The following HPS3 variants were observed in gnomAD, a reference collection of about 807,000 sequenced individuals.
HPS3 encodes the protein BLOC-2 complex member HPS3.
Under a neutral mutation model 110.9 loss-of-function variants are expected in HPS3, and 79 were observed. The ratio of observed to expected loss-of-function variants is 0.71; its 90% confidence interval spans 0.59 to 0.86. The LOEUF (loss-of-function observed/expected upper bound fraction) is 0.86. HPS3 is among the 40% of genes least tolerant of loss of function. HPS3 has a pLI of 0.00. For synonymous variants in HPS3, 428 were observed against 451.0 expected (o/e 0.95, Z 0.65); for missense variants, 1,197 against 1,206.2 (o/e 0.99, Z 0.11).
Position 149,153,517 on chromosome 3 carries a change from T to C in HPS3, c.1269T>C (p.Asp423=), listed in dbSNP as rs1723259729. 1.2e-6 allele frequency: 2 copies of C among 1,613,970 alleles called. No individual in the cohort carries two copies. The highest frequency in any genetic ancestry group is 2.7e-5 in the African/African-American group (2 of 74,932). Residue 423 remains aspartate (D), a synonymous_variant, in exon 7 of 17, where the codon GAT becomes GAC. Transcript: ENST00000296051. ...TLKACPPVSM[D]VCALRIQLFI... is the part of the protein sequence containing the mutation. ...AGGCTTGCCCACCTGTCAGTATGGA[T>C]GTCTGTGCTTTAAGAATACAGCTTT...
chr3:149,158,519 G>A, intron 9 of HPS3, 147 bp from the exon 10 acceptor site: 1 of 765,526 alleles, frequency 1.3e-6, no homozygotes, highest in Non-Finnish European at 2.3e-6. Flanking sequence ...TAGGCATGGT[G>A]GCTTACACCT....
chr3:149,158,466 T>C (rs569448492), intron 9 of HPS3, among the ~76,000 whole-genome samples, 200 bp from the exon 10 acceptor site: 6 of 152,302 alleles, frequency 3.9e-5, no homozygotes, highest in Non-Finnish European at 7.4e-5. Context: ...TATTCTGTTA[T>C]AGAATGTTTT....
rs1362870541 is a variant in HPS3, at chr3:149,163,875, C to A, written c.2515C>A (p.Pro839Thr). 4 of 1,581,938 alleles carry A rather than the reference C, an allele frequency of 2.5e-6. No homozygotes were observed. In the African/African-American group the frequency reaches 4.0e-5, roughly 16 times the overall value. ...CTGTAGTCATTATGGCTTAATTTAT[C>A]CATGGGTTCACGTCGTAATATCATC... is the stretch of plus-strand genomic sequence containing the variant. ...NACSHYGLIYPWVHVVISSDS... is the reference protein window; with the variant it reads ...NACSHYGLIYTWVHVVISSDS... Residue 839 changes from proline (P) to threonine (T), a missense_variant, in exon 14 of 17, where the codon CCA becomes ACA. Transcript: ENST00000296051.
At chr3:149,164,174 A>G (rs1021438069) in intron 14 of HPS3, among the ~76,000 whole-genome samples, 1 of 152,126 alleles carries the variant, frequency 6.6e-6, no homozygotes, top group Non-Finnish European at 1.5e-5. Flanking sequence ...TTGTAGGTGG[A>G]TGAACGAACT....
intron 1 of HPS3, among the ~76,000 whole-genome samples, chr3:149,135,279 T>G (rs1015115283): frequency 6.6e-6 from 1 of 151,910 alleles, no homozygotes; most frequent in Non-Finnish European, 1.5e-5. Context: ...GAAAATAAAT[T>G]TAGGCTTTGT....
intron 12 of HPS3, 172 bp from the exon 13 acceptor site, chr3:149,162,518 C>T (rs568900851): frequency 1.1e-6 from 1 of 924,952 alleles, no homozygotes; most frequent in Admixed American, 2.0e-5. Flanking sequence ...TTTGTACATC[C>T]TAGAATCTGT....
At chr3:149,164,415 TGAGGGG>T (rs1724205533) in intron 14 of HPS3, among the ~76,000 whole-genome samples, 1 of 152,122 alleles carries the variant, frequency 6.6e-6, no homozygotes, top group Admixed American at 6.5e-5. Context: ...TTTTCAGAAA[TGAGGGG>T]GATGATTAGA....
intron 5 of HPS3, among the ~76,000 whole-genome samples, chr3:149,147,944 C>T (rs924798438): frequency 6.6e-5 from 10 of 152,172 alleles, no homozygotes; most frequent in African/African-American, 1.9e-4. Flanking sequence ...GGTCTCAGCT[C>T]ACTGCAACCT....
At position 149,129,758 on chromosome 3, in the gene HPS3, C is replaced by T. The variant is rs1466073004; in HGVS notation, c.35C>T (p.Ser12Leu). The T allele has an allele frequency of 1.2e-6, 2 of 1,606,646 alleles. No individual in the cohort carries two copies. Among genetic ancestry groups the T allele is most frequent in the South Asian group, 2.2e-5 (2 of 90,864 alleles). Residue 12 changes from serine (S) to leucine (L), a missense_variant, in exon 1 of 17, where the codon TCG (serine) becomes TTG (leucine). Transcript: ENST00000296051. ...CTGTACAACCTGCACCCGTTCGGGT[C>T]GCAGCAGGTGGTGCCCTGCAAGCTG... ...VQLYNLHPFG[S>L]QQVVPCKLEP...
chr3:149,154,785 T>G (rs1380415484), intron 7 of HPS3, among the ~76,000 whole-genome samples: 1 of 152,230 alleles, frequency 6.6e-6, no homozygotes, highest in Non-Finnish European at 1.5e-5. Context: ...AGCCTGGGTA[T>G]AGGGACTTCC....
chr3:149,141,531 GTTTTTTTTTTTT>G (rs10718838), intron 4 of HPS3, 151 bp downstream of exon 4: 8 of 382,630 alleles, frequency 2.1e-5, no homozygotes, highest in Admixed American at 1.4e-4. Context: ...TTTTTTTTTT[GTTTTTTTTTTTT>G]TTTTTTTTTG....
chr3:149,155,048 A>T, intron 7 of HPS3, 59 bp from the exon 8 acceptor site: 1 of 880,744 alleles, frequency 1.1e-6, no homozygotes, highest in Non-Finnish European at 2.0e-6. Context: ...TTTACCATTT[A>T]CAACTACCAT....
chr3:149,134,640 A>G (rs981170122), intron 1 of HPS3, among the ~76,000 whole-genome samples: 15 of 152,326 alleles, frequency 9.8e-5, no homozygotes, highest in African/African-American at 3.1e-4. Context: ...TGAGGACAGC[A>G]TTGGGGTGAG....
intron 1 of HPS3, among the ~76,000 whole-genome samples, chr3:149,136,583 A>T (rs188903295): frequency 6.6e-6 from 1 of 152,274 alleles, no homozygotes; most frequent in East Asian, 1.9e-4. Flanking sequence ...GTTGCCTTGG[A>T]CAAGTTACTT....
Position 149,164,844 on chromosome 3 carries a change from AG to A in HPS3, c.2589+896del, listed in dbSNP as rs747946921. Among the ~76,000 whole-genome samples, 10 of 152,218 alleles carry A rather than the reference AG, an allele frequency of 6.6e-5. No individual in the cohort carries two copies. In the South Asian group the frequency reaches 1.7e-3, roughly 25 times the overall value. ...GCTGAGTGTCTGTTTTCCTTATCCT[AG>A]CTGCCCTCATGCATCTTCATCATTT... On this transcript the variant is annotated intron_variant, in intron 14 of 16. Coordinates refer to ENST00000296051, the MANE Select transcript of HPS3 (RefSeq NM_032383.5).
intron 6 of HPS3, among the ~76,000 whole-genome samples, chr3:149,152,952 C>T (rs1723222695): frequency 6.6e-6 from 1 of 152,238 alleles, no homozygotes; most frequent in Admixed American, 6.5e-5. Context: ...ACTATTCGTA[C>T]CTAACAGACT....
At position 149,172,460 on chromosome 3, in the gene HPS3, A is replaced by C; in HGVS notation, c.*238A>C. 1 of 403,394 alleles carries C rather than the reference A, an allele frequency of 2.5e-6. No homozygotes were observed. The highest frequency in any genetic ancestry group is 4.6e-6 in the Non-Finnish European group (1 of 217,424). The allele number at this position is 403,394 out of a possible 1,614,324, so 25.0% of individuals were successfully genotyped here. ...CAATTTAATTGTCTAGAATGTAAAA[A>C]GTCTTTAAGACATAAGAATTCCTCA... On this transcript the variant is annotated 3_prime_UTR_variant, in exon 17 of 17. Transcript: ENST00000296051.
chr3:149,138,013 T>C (rs1722219073), intron 1 of HPS3, among the ~76,000 whole-genome samples: 1 of 152,122 alleles, frequency 6.6e-6, no homozygotes, highest in African/African-American at 2.4e-5. Context: ...ATTTATTTAC[T>C]GGGGGAATTT....
intron 1 of HPS3, among the ~76,000 whole-genome samples, chr3:149,137,127 A>G (rs187284904): frequency 6.6e-6 from 1 of 152,346 alleles, no homozygotes; most frequent in Admixed American, 6.5e-5. Context: ...CAACTCAACA[A>G]CAACCAAAAA....
Sources: allele counts gnomAD v4.1 joint callset (sites outside exome capture counted in the v4.1 genomes callset), GRCh38; gene constraint gnomAD v4.1.1; transcripts MANE v1.5; gene names NCBI Gene and HGNC (gene_info 2026-07-23, HGNC 2026-07-21).